Variants in DLG2 observed in about 807,000 individuals in gnomAD.
DLG2 encodes the protein discs large MAGUK scaffold protein 2, also known as disks large homolog 2.
DLG2 carries 45 observed loss-of-function variants against 132.5 expected under a neutral mutation model. That is an observed-to-expected ratio of 0.34 (90% CI 0.27 to 0.44). The LOEUF is 0.44. DLG2 is among the 20% of genes least tolerant of loss of function. DLG2 has a pLI of 1.00. For synonymous variants in DLG2, 424 were observed against 419.6 expected (o/e 1.01, Z -0.13); for missense variants, 1,045 against 1,196.9 (o/e 0.87, Z 1.87).
intron 15 of DLG2, among the ~76,000 whole-genome samples, chr11:83,928,490 C>G (rs1000394690): frequency 6.6e-6 from 1 of 150,836 alleles, no homozygotes; most frequent in Non-Finnish European, 1.5e-5. Context: ...AAAAGGAACA[C>G]AGGATAAAAA....
intron 4 of DLG2, among the ~76,000 whole-genome samples, chr11:85,219,336 CTCTTA>C (rs2082851994): frequency 6.6e-6 from 1 of 152,146 alleles, no homozygotes; most frequent in African/African-American, 2.4e-5. Flanking sequence ...GAGTTTAATT[CTCTTA>C]TAACACTTTC....
At position 84,324,410 on chromosome 11, in the gene DLG2, T is replaced by G. The variant is rs2098420723; in HGVS notation, c.520-73119A>C. Among the ~76,000 whole-genome samples, 3 of 152,302 alleles carry G rather than the reference T, an allele frequency of 2.0e-5. No homozygotes were observed. The South Asian group carries it at 6.2e-4, about 32-fold the overall frequency. Reference sequence around the variant, plus strand: ...CTCTCTATTCTGTTTCATTAATTTGTATGTCCAGCTTAGTGCCATAGTGTC... The same window carrying G: ...CTCTCTATTCTGTTTCATTAATTTGGATGTCCAGCTTAGTGCCATAGTGTC... On this transcript the variant is annotated intron_variant, in intron 7 of 27. Coordinates refer to ENST00000376104, the MANE Select transcript of DLG2 (RefSeq NM_001142699.3).
chr11:84,525,394 G>A (rs1487254297), intron 7 of DLG2, among the ~76,000 whole-genome samples: 1 of 151,796 alleles, frequency 6.6e-6, no homozygotes, highest in Non-Finnish European at 1.5e-5. Context: ...CTCTACTCTG[G>A]GGTCAAATTT....
chr11:84,763,074 C>A (rs2153868919), intron 6 of DLG2, among the ~76,000 whole-genome samples: 1 of 152,292 alleles, frequency 6.6e-6, no homozygotes, highest in South Asian at 2.1e-4. Flanking sequence ...CATTATTTGA[C>A]CAATTTATTT....
intron 19 of DLG2, among the ~76,000 whole-genome samples, chr11:83,605,025 G>GAGAGAGAGAGAGAGAGAT (rs1384030952): frequency 6.6e-6 from 1 of 151,856 alleles, no homozygotes; most frequent in Non-Finnish European, 1.5e-5. Flanking sequence ...GAGAGAGAGA[G>GAGAGAGAGAGAGAGAGAT]AGAGAGAGAG....
intron 6 of DLG2, among the ~76,000 whole-genome samples, chr11:85,070,895 G>A (rs1209556405): frequency 6.6e-6 from 1 of 151,812 alleles, no homozygotes; most frequent in Non-Finnish European, 1.5e-5. Context: ...GTAGGTCCTT[G>A]TGAAGTTGTT....
At chr11:85,470,512 C>G (rs2153074770) in intron 3 of DLG2, among the ~76,000 whole-genome samples, 1 of 152,228 alleles carries the variant, frequency 6.6e-6, no homozygotes, top group South Asian at 2.1e-4. Context: ...CACTTGAGAT[C>G]AGGAGTTCGA....
chr11:83,951,939 C>A (rs2085544158), intron 14 of DLG2, among the ~76,000 whole-genome samples: 1 of 152,000 alleles, frequency 6.6e-6, no homozygotes, highest in Non-Finnish European at 1.5e-5. Flanking sequence ...GTAAAACCCA[C>A]AGAATTTGTT....
chr11:85,306,583 T>C (rs2152802073), intron 3 of DLG2, among the ~76,000 whole-genome samples: 2 of 152,320 alleles, frequency 1.3e-5, no homozygotes, highest in Middle Eastern at 3.4e-3. Flanking sequence ...GTTGAACCTT[T>C]TTTTTGAGAC....
At chr11:85,457,332 C>T (rs1009660185) in intron 3 of DLG2, among the ~76,000 whole-genome samples, 30 of 151,958 alleles carry the variant, frequency 2.0e-4, no homozygotes, top group Admixed American at 1.7e-3. Context: ...ATGAATGTTG[C>T]TGCATGTGAG....
At chr11:83,917,229 T>C (rs1170022816) in intron 15 of DLG2, among the ~76,000 whole-genome samples, 1 of 152,192 alleles carries the variant, frequency 6.6e-6, no homozygotes, top group African/African-American at 2.4e-5. Context: ...TAAAGTCCTT[T>C]TGCAGGTCTT....
intron 4 of DLG2, among the ~76,000 whole-genome samples, chr11:85,270,831 A>G (rs1169829338): frequency 6.6e-6 from 1 of 152,188 alleles, no homozygotes; most frequent in Non-Finnish European, 1.5e-5. Context: ...GGCAGAATAA[A>G]TTTCTAAGCA....
chr11:83,658,489 T>C (rs2073355253), intron 18 of DLG2, among the ~76,000 whole-genome samples: 1 of 152,264 alleles, frequency 6.6e-6, no homozygotes, highest in African/African-American at 2.4e-5. Flanking sequence ...CAGTTATTCT[T>C]AGTAGCTAAA....
intron 19 of DLG2, among the ~76,000 whole-genome samples, chr11:83,554,981 A>G (rs1252446131): frequency 6.6e-6 from 1 of 152,262 alleles, no homozygotes; most frequent in African/African-American, 2.4e-5. Flanking sequence ...GATGTAGAAG[A>G]AATAATTACC....
intron 17 of DLG2, among the ~76,000 whole-genome samples, chr11:83,799,608 T>C (rs1021918361): frequency 6.6e-6 from 1 of 152,168 alleles, no homozygotes. Context: ...AGAGTTTAAA[T>C]AATATTTACT....
intron 3 of DLG2, among the ~76,000 whole-genome samples, chr11:85,382,646 C>T (rs541733819): frequency 2.6e-5 from 4 of 152,002 alleles, no homozygotes; most frequent in African/African-American, 9.6e-5. Flanking sequence ...AACTCAACAA[C>T]AGAAAGACAA....
At chr11:84,290,260 C>T (rs1008752684) in intron 7 of DLG2, among the ~76,000 whole-genome samples, 3 of 152,086 alleles carry the variant, frequency 2.0e-5, no homozygotes, top group Non-Finnish European at 4.4e-5. Flanking sequence ...CACATAGGCG[C>T]CTTTTAGATT....
intron 15 of DLG2, among the ~76,000 whole-genome samples, chr11:83,880,324 A>G (rs2065853968): frequency 6.6e-6 from 1 of 152,222 alleles, no homozygotes; most frequent in South Asian, 2.1e-4. Context: ...GTAAACCATC[A>G]GGGTGAAGAA....
At chr11:85,156,783 A>G (rs2077618722) in intron 4 of DLG2, among the ~76,000 whole-genome samples, 1 of 152,198 alleles carries the variant, frequency 6.6e-6, no homozygotes, top group Non-Finnish European at 1.5e-5. Flanking sequence ...TTCCCAGGCA[A>G]AGGCTACCTG....
Sources: gnomAD v4.1 joint callset for allele counts (sites outside exome capture counted in the v4.1 genomes callset) on GRCh38, gnomAD v4.1.1 for gene constraint, MANE v1.5 for transcripts, NCBI Gene and HGNC (gene_info 2026-07-23, HGNC 2026-07-21) for gene names.